The following SYNPR variants were observed in gnomAD, a reference collection of about 807,000 sequenced individuals.
The protein encoded by SYNPR is synaptoporin.
A neutral mutation model predicts 32.9 loss-of-function variants in SYNPR; 23 were observed. The ratio of observed to expected loss-of-function variants is 0.70; its 90% CI spans 0.50 to 0.99. The LOEUF is 0.99. Ranked by LOEUF, SYNPR falls within the 50% of genes least tolerant of loss-of-function variation. SYNPR has a pLI of 0.00. For missense variants in SYNPR, 318 were observed against 349.3 expected (o/e 0.91, Z 0.71); for synonymous variants, 146 against 135.9 (o/e 1.07, Z -0.52).
intron 4 of SYNPR, among the ~76,000 whole-genome samples, chr3:63,561,817 G>A (rs534442564): frequency 6.6e-6 from 1 of 152,290 alleles, no homozygotes; most frequent in African/African-American, 2.4e-5. Context: ...GCATTTCCAA[G>A]CAGTTGTGAG....
chr3:63,561,669 A>G (rs536928716), intron 4 of SYNPR, among the ~76,000 whole-genome samples: 1 of 152,310 alleles, frequency 6.6e-6, no homozygotes, highest in African/African-American at 2.4e-5. Context: ...CTGTCGTACT[A>G]GAACTACTAG....
At chr3:63,584,010 G>A (rs1457351693) in intron 4 of SYNPR, among the ~76,000 whole-genome samples, 5 of 151,996 alleles carry the variant, frequency 3.3e-5, no homozygotes, top group African/African-American at 4.8e-5. Flanking sequence ...GGGTGATAGA[G>A]GAGAAAGAAA....
chr3:63,254,814 T>A (rs530341403), intron 2 of SYNPR, among the ~76,000 whole-genome samples: 2 of 152,194 alleles, frequency 1.3e-5, no homozygotes, highest in Non-Finnish European at 2.9e-5. Context: ...ATAATTTACA[T>A]ATAATTAAGT....
chr3:63,555,258 T>C (rs1283488968), intron 3 of SYNPR, among the ~76,000 whole-genome samples: 5 of 104,152 alleles, frequency 4.8e-5, no homozygotes, highest in East Asian at 3.0e-4. Context: ...TTTAAAGGGA[T>C]TGAGTTTTGT....
chr3:63,542,462 G>C (rs1702323274), intron 3 of SYNPR, among the ~76,000 whole-genome samples: 1 of 152,086 alleles, frequency 6.6e-6, no homozygotes, highest in Admixed American at 6.6e-5. Context: ...TTAGGAATGA[G>C]ATAAAGGATT....
chr3:63,406,702 T>C (rs1351480514), intron 2 of SYNPR, among the ~76,000 whole-genome samples: 1 of 152,284 alleles, frequency 6.6e-6, no homozygotes, highest in African/African-American at 2.4e-5. Flanking sequence ...ATGTAGAATT[T>C]GAAGCTGAGC....
chr3:63,263,535 G>A (rs1402041780), intron 2 of SYNPR, among the ~76,000 whole-genome samples: 1 of 152,330 alleles, frequency 6.6e-6, no homozygotes, highest in Middle Eastern at 3.4e-3. Flanking sequence ...ATTTTGGGCA[G>A]CAATCAACAG....
chr3:63,465,766 G>C (rs919580777), intron 2 of SYNPR, among the ~76,000 whole-genome samples: 3 of 151,628 alleles, frequency 2.0e-5, no homozygotes, highest in Non-Finnish European at 4.4e-5. Context: ...TACAAAAATT[G>C]GCAATAATTC....
At chr3:63,501,494 C>CAAAAAAAAAAAAAAAAAAAAAAAAAAAAA (rs377290258) in intron 3 of SYNPR, among the ~76,000 whole-genome samples, 6 of 96,720 alleles carry the variant, frequency 6.2e-5, no homozygotes, top group African/African-American at 1.2e-4. Context: ...CTCCCCCAAC[C>CAAAAAAAAAAAAAAAAAAAAAAAAAAAAA]AAAAAAAAAA....
intron 2 of SYNPR, among the ~76,000 whole-genome samples, chr3:63,391,493 C>T (rs1575621308): frequency 1.3e-5 from 2 of 152,284 alleles, no homozygotes; most frequent in Middle Eastern, 6.8e-3. Flanking sequence ...GCATCCACTA[C>T]CATATTGTGT....
At chr3:63,540,678 A>T (rs1192382440) in intron 3 of SYNPR, among the ~76,000 whole-genome samples, 1 of 152,042 alleles carries the variant, frequency 6.6e-6, no homozygotes, top group Non-Finnish European at 1.5e-5. Context: ...CATATACAAT[A>T]TTGTGTATAA....
At chr3:63,572,621 G>A (rs968689705) in intron 4 of SYNPR, among the ~76,000 whole-genome samples, 1 of 152,122 alleles carries the variant, frequency 6.6e-6, no homozygotes, top group East Asian at 1.9e-4. Context: ...ATCTTTATTG[G>A]TTTGTGAAAG....
At chr3:63,248,659 T>C (rs2086308858) in intron 1 of SYNPR, among the ~76,000 whole-genome samples, 1 of 152,172 alleles carries the variant, frequency 6.6e-6, no homozygotes, top group Non-Finnish European at 1.5e-5. Flanking sequence ...TCGATTGTTG[T>C]GGAAACTGTT....
chr3:63,248,908 C>T lies in SYNPR; in HGVS notation n.67-3591C>T, dbSNP rs181879593. Among the ~76,000 whole-genome samples the T allele has an allele frequency of 1.3e-3, 202 of 152,138 alleles. 2 individuals carry two copies. Among genetic ancestry groups the T allele is most frequent in the African/African-American group, 3.7e-3 (155 of 41,520 alleles). The stretch of plus-strand genomic sequence containing the variant: ...TGTGAAGATATGATAACATTGTCAA[C>T]GCATAATTGTTAGCTCTGTGTTAGT... On this transcript the variant is annotated intron_variant and non_coding_transcript_variant, in intron 1 of 4. Coordinates refer to the SYNPR transcript ENST00000478456.
At chr3:63,252,357 C>T (rs1233998840) in intron 1 of SYNPR, 1 of 152,114 alleles carries the variant, frequency 6.6e-6, no homozygotes, top group African/African-American at 2.4e-5. Context: ...GTTTAGTGAT[C>T]CATTACATTG....
chr3:63,556,423 A>G, intron 3 of SYNPR, 120 bp from the exon 4 acceptor site: 1 of 744,724 alleles, frequency 1.3e-6, no homozygotes, highest in South Asian at 2.1e-5. Flanking sequence ...AATATGTTAC[A>G]TAGGCATGCA....
chr3:63,600,930 C>T (rs1700031357), intron 4 of SYNPR, among the ~76,000 whole-genome samples: 1 of 152,190 alleles, frequency 6.6e-6, no homozygotes, highest in Non-Finnish European at 1.5e-5. Context: ...ATATATTCTT[C>T]AGAATTTTTG....
intron 2 of SYNPR, among the ~76,000 whole-genome samples, chr3:63,406,969 C>A (rs1314945114): frequency 6.6e-6 from 1 of 152,206 alleles, no homozygotes; most frequent in Non-Finnish European, 1.5e-5. Context: ...ATTAGCTCGC[C>A]TGTGAACTTT....
chr3:63,491,631 G>A (rs937046437), intron 3 of SYNPR, among the ~76,000 whole-genome samples: 5 of 151,874 alleles, frequency 3.3e-5, no homozygotes, highest in South Asian at 2.1e-4. Context: ...AGTGATTCTC[G>A]TGCCTCAGCC....
Sources: allele counts gnomAD v4.1 joint callset (sites outside exome capture counted in the v4.1 genomes callset), GRCh38; gene constraint gnomAD v4.1.1; transcripts MANE v1.5; gene names NCBI Gene and HGNC (gene_info 2026-07-23, HGNC 2026-07-21).